The following SSBP2 variants were observed in gnomAD, a reference collection of about 807,000 sequenced individuals.
The protein encoded by SSBP2 is single-stranded DNA-binding protein 2.
SSBP2 carries 17 observed loss-of-function variants against 61.8 expected under a neutral mutation model. That is an observed-to-expected ratio of 0.28 (90% CI 0.19 to 0.41). The LOEUF (loss-of-function observed/expected upper bound fraction) is 0.41, where lower values mean the gene tolerates loss of function less well. Among genes scored for constraint, SSBP2 ranks in the 10% least tolerant of loss-of-function variants. SSBP2 has a pLI of 1.00. For missense variants in SSBP2, 310 were observed against 458.7 expected, an observed-to-expected ratio of 0.68 and a Z score of 2.96; for synonymous variants, 139 against 141.3, an observed-to-expected ratio of 0.98 and a Z score of 0.12.
At chr5:81,439,544 C>T (rs1762881059) in intron 14 of SSBP2, among the ~76,000 whole-genome samples, 3 of 151,492 alleles carry the variant, frequency 2.0e-5, no homozygotes, top group Non-Finnish European at 4.4e-5. Flanking sequence ...GCTCGTCACC[C>T]AGGCTGCAGT....
intron 1 of SSBP2, among the ~76,000 whole-genome samples, chr5:81,713,249 G>A (rs1455482604): frequency 6.6e-6 from 1 of 151,824 alleles, no homozygotes; most frequent in Non-Finnish European, 1.5e-5. Flanking sequence ...TTACAAACAG[G>A]AGGATTAAAA....
chr5:81,490,211 G>C (rs1050183557), intron 5 of SSBP2, among the ~76,000 whole-genome samples: 3 of 152,166 alleles, frequency 2.0e-5, no homozygotes, highest in Admixed American at 6.5e-5. Context: ...GAATCTGTCA[G>C]TCTGGAAATT....
chr5:81,515,763 T>G (rs1460688342), intron 4 of SSBP2, among the ~76,000 whole-genome samples: 3 of 151,806 alleles, frequency 2.0e-5, no homozygotes, highest in Admixed American at 6.6e-5. Flanking sequence ...TCAAAGTTCT[T>G]AATTATATAT....
chr5:81,646,488 C>G (rs903409141), intron 2 of SSBP2, among the ~76,000 whole-genome samples: 2 of 151,898 alleles, frequency 1.3e-5, no homozygotes, highest in African/African-American at 4.8e-5. Context: ...TTTTACTACT[C>G]AGACCAGTTA....
At chr5:81,635,580 ATTTTT>A (rs35464950) in intron 3 of SSBP2, among the ~76,000 whole-genome samples, 1 of 130,866 alleles carries the variant, frequency 7.6e-6, no homozygotes, top group African/African-American at 3.0e-5. Context: ...GTAGAAAGCA[ATTTTT>A]TTTTTTTTTT....
At chr5:81,700,848 G>C (rs1268878585) in intron 1 of SSBP2, among the ~76,000 whole-genome samples, 1 of 152,184 alleles carries the variant, frequency 6.6e-6, no homozygotes, top group Admixed American at 6.5e-5. Context: ...TGAAGAGTTA[G>C]GATCTCCCTC....
chr5:81,699,037 C>T (rs1366120603), intron 1 of SSBP2, among the ~76,000 whole-genome samples: 2 of 152,202 alleles, frequency 1.3e-5, no homozygotes, highest in Admixed American at 6.5e-5. Flanking sequence ...AGCTTCACAA[C>T]GCATATAAAA....
chr5:81,722,397 G>GC (rs561569967), intron 1 of SSBP2, among the ~76,000 whole-genome samples: 1 of 136,438 alleles, frequency 7.3e-6, no homozygotes, highest in African/African-American at 2.8e-5. Flanking sequence ...GTATAATTTT[G>GC]TTTTTTTTTT....
chr5:81,629,739 TAAG>T (rs1747519951), intron 3 of SSBP2, among the ~76,000 whole-genome samples: 1 of 152,242 alleles, frequency 6.6e-6, no homozygotes, highest in Non-Finnish European at 1.5e-5. Flanking sequence ...TGTATATATT[TAAG>T]ATGTACAATG....
At chr5:81,521,142 T>A (rs10454898) in intron 4 of SSBP2, among the ~76,000 whole-genome samples, 98,518 of 151,834 alleles carry the variant, frequency 0.65, 32,795 homozygotes, top group Middle Eastern at 0.76. Context: ...CTTTATCCTA[T>A]GCTTTAAAGG....
chr5:81,485,588 C>T (rs1253081501), intron 6 of SSBP2, among the ~76,000 whole-genome samples: 1 of 152,130 alleles, frequency 6.6e-6, no homozygotes, highest in East Asian at 1.9e-4. Context: ...GATACAAACT[C>T]TTAATAAAAC....
intron 4 of SSBP2, among the ~76,000 whole-genome samples, chr5:81,606,933 C>T (rs1223857297): frequency 6.6e-6 from 1 of 152,084 alleles, no homozygotes; most frequent in Non-Finnish European, 1.5e-5. Context: ...CAGGCTAGAG[C>T]AAAAAGTAAA....
intron 5 of SSBP2, among the ~76,000 whole-genome samples, 190 bp downstream of exon 5, chr5:81,513,438 A>C (rs1384428537): frequency 6.6e-6 from 1 of 152,198 alleles, no homozygotes; most frequent in Non-Finnish European, 1.5e-5. Flanking sequence ...AAATAAATAC[A>C]TAATCTAATA....
intron 4 of SSBP2, among the ~76,000 whole-genome samples, chr5:81,549,478 A>C (rs1454125705): frequency 6.6e-6 from 1 of 152,180 alleles, no homozygotes; most frequent in Non-Finnish European, 1.5e-5. Context: ...ACCTTCTCGC[A>C]CGTATCCTAC....
intron 1 of SSBP2, among the ~76,000 whole-genome samples, chr5:81,690,346 T>C (rs1753110268): frequency 6.6e-6 from 1 of 152,108 alleles, no homozygotes; most frequent in Middle Eastern, 3.2e-3. Context: ...AACGATCTGT[T>C]GCGTACAATA....
chr5:81,691,910 T>G (rs867102620), intron 1 of SSBP2, among the ~76,000 whole-genome samples: 1 of 152,102 alleles, frequency 6.6e-6, no homozygotes, highest in Non-Finnish European at 1.5e-5. Context: ...GTTCAACAGA[T>G]GCAAATCAAT....
At chr5:81,517,632 A>G (rs1482628788) in intron 4 of SSBP2, among the ~76,000 whole-genome samples, 1 of 151,736 alleles carries the variant, frequency 6.6e-6, no homozygotes, top group Non-Finnish European at 1.5e-5. Flanking sequence ...AACTTTTTGA[A>G]CTTATATCAT....
At position 81,413,260 on chromosome 5, in the gene SSBP2, T is replaced by C. The variant is rs1761201809; in HGVS notation, c.*7244A>G. On this transcript the variant is annotated 3_prime_UTR_variant, in exon 17 of 17. Transcript: ENST00000320672. ...ACAAAAACACTAAATTATAAATCCA[T>C]TTGAGAATAAATGCAGTAATGTGCA... 6.6e-6 allele frequency: 1 copy of C among 152,220 alleles called. No homozygotes were observed. Among genetic ancestry groups the C allele is most frequent in the South Asian group, 2.1e-4 (1 of 4,836 alleles). The allele number at this position is 152,220 out of a possible 1,614,324, so 9.4% of individuals were successfully genotyped here.
In SSBP2 at chr5:81,615,628, T is replaced by C; in HGVS notation, c.198-71A>G. Reference sequence around the variant, plus strand: ...ATATGAGAAATCACAATTCCAAAAGTAGAAGACATGTTTTTCTTTATACAA... The same window carrying C: ...ATATGAGAAATCACAATTCCAAAAGCAGAAGACATGTTTTTCTTTATACAA... On this transcript the variant is annotated intron_variant, in intron 3 of 16. Transcript: ENST00000320672. 6.9e-6 allele frequency: 7 copies of C among 1,008,394 alleles called. No individual in the cohort carries two copies. The South Asian group carries it at 1.0e-4, about 14-fold the overall frequency. 62.5% of individuals were successfully genotyped at this position (1,008,394 alleles called of 1,614,324 possible). A position where few individuals can be genotyped will look rare whatever the true frequency, so the allele number is the denominator to read the frequency against.
Sources: gnomAD v4.1 joint callset for allele counts (sites outside exome capture counted in the v4.1 genomes callset) on GRCh38, gnomAD v4.1.1 for gene constraint, MANE v1.5 for transcripts, NCBI Gene and HGNC (gene_info 2026-07-23, HGNC 2026-07-21) for gene names.